The following PDCD10 variants were observed in gnomAD, a reference collection of about 807,000 sequenced individuals.
PDCD10 encodes programmed cell death protein 10.
A neutral mutation model predicts 29.2 loss-of-function variants in PDCD10; 4 were observed. The observed-to-expected ratio is 0.14, with a 90% CI of 0.07 to 0.31. PDCD10 has a LOEUF of 0.31. Ranked by LOEUF, PDCD10 falls within the 10% of genes least tolerant of loss-of-function variation. The pLI is 1.00. For missense variants in PDCD10, 183 were observed against 257.9 expected (o/e 0.71, Z 1.99); for synonymous variants, 70 against 82.2 (o/e 0.85, Z 0.80).
chr3:167,721,835 T>C (rs1723603672), intron 2 of PDCD10, among the ~76,000 whole-genome samples: 1 of 152,168 alleles, frequency 6.6e-6, no homozygotes, highest in African/African-American at 2.4e-5. Context: ...TGTAACTTAG[T>C]TAAGTAGATG....
chr3:167,733,585 A>G (rs1469758697), intron 2 of PDCD10, among the ~76,000 whole-genome samples: 1 of 152,224 alleles, frequency 6.6e-6, no homozygotes, highest in African/African-American at 2.4e-5. Context: ...AGTCTCAAAA[A>G]AGACGATGTT....
intron 4 of PDCD10, among the ~76,000 whole-genome samples, chr3:167,700,364 G>A (rs1261932809): frequency 6.6e-6 from 1 of 151,964 alleles, no homozygotes; most frequent in African/African-American, 2.4e-5. Context: ...AATACCATGG[G>A]ACCCGACAAA....
chr3:167,695,220 G>C (rs957118903), intron 6 of PDCD10, among the ~76,000 whole-genome samples: 22 of 152,190 alleles, frequency 1.4e-4, no homozygotes, highest in African/African-American at 5.3e-4. Context: ...TCATGCCTAA[G>C]AGTACGTTAC....
intron 3 of PDCD10, among the ~76,000 whole-genome samples, chr3:167,716,243 G>A (rs1185500386): frequency 6.6e-6 from 1 of 151,908 alleles, no homozygotes; most frequent in African/African-American, 2.4e-5. Flanking sequence ...GAGATAGAGA[G>A]ATGGATGGTT....
intron 2 of PDCD10, among the ~76,000 whole-genome samples, chr3:167,733,484 A>C (rs1171366914): frequency 6.6e-6 from 1 of 152,210 alleles, no homozygotes; most frequent in Non-Finnish European, 1.5e-5. Flanking sequence ...GTTGATGCTA[A>C]GAAAAATAAA....
chr3:167,711,147 A>G lies in PDCD10; in HGVS notation c.97-6252T>C, dbSNP rs140237507. 2.3e-3 allele frequency among the ~76,000 whole-genome samples: 347 copies of G among 152,340 alleles called. 2 individuals are homozygous for G. The highest frequency in any genetic ancestry group is 7.8e-3 in the African/African-American group (324 of 41,582). ...ACATCCAGAAGCATCAAGACCATCC[A>G]GAAAAACATGACCTCACCAAACAAA... is the stretch of plus-strand genomic sequence containing the variant. On this transcript the variant is annotated intron_variant, in intron 3 of 8. Coordinates refer to ENST00000392750, the MANE Select transcript of PDCD10 (RefSeq NM_007217.4).
chr3:167,718,890 A>G (rs999609714), intron 3 of PDCD10, among the ~76,000 whole-genome samples: 2 of 152,172 alleles, frequency 1.3e-5, no homozygotes, highest in South Asian at 4.1e-4. Flanking sequence ...TTTATGTGAC[A>G]GAGAAATAAA....
chr3:167,712,258 G>A (rs1231240146), intron 3 of PDCD10, among the ~76,000 whole-genome samples: 1 of 152,054 alleles, frequency 6.6e-6, no homozygotes, highest in Non-Finnish European at 1.5e-5. Context: ...TAAAAAATGA[G>A]AGGGATGAAG....
At chr3:167,694,037 A>G (rs955982921) in intron 6 of PDCD10, among the ~76,000 whole-genome samples, 27 of 152,040 alleles carry the variant, frequency 1.8e-4, no homozygotes, top group African/African-American at 5.6e-4. Flanking sequence ...AAAACTAACC[A>G]CCCATCTATG....
At chr3:167,720,733 A>C (rs1272417891) in intron 2 of PDCD10, among the ~76,000 whole-genome samples, 1 of 152,170 alleles carries the variant, frequency 6.6e-6, no homozygotes, top group Non-Finnish European at 1.5e-5. Context: ...GTGTTTTAAC[A>C]TTTTTATTAA....
At chr3:167,719,430 C>T (rs1723350592) in intron 3 of PDCD10, among the ~76,000 whole-genome samples, 1 of 152,018 alleles carries the variant, frequency 6.6e-6, no homozygotes, top group South Asian at 2.1e-4. Context: ...TTCCAGAATT[C>T]TCTACATACC....
At chr3:167,690,010 G>C (rs1720046912) in intron 6 of PDCD10, among the ~76,000 whole-genome samples, 1 of 151,972 alleles carries the variant, frequency 6.6e-6, no homozygotes, top group African/African-American at 2.4e-5. Context: ...GAAAATACCA[G>C]GACAAAAAAA....
At chr3:167,695,849 AG>A in intron 5 of PDCD10, 127 bp from the exon 6 acceptor site, 1 of 893,290 alleles carries the variant, frequency 1.1e-6, no homozygotes, top group Admixed American at 1.9e-5. Context: ...AGGAAAGACA[AG>A]GTTGCAAAGC....
chr3:167,698,088 T>C, intron 4 of PDCD10: 2 of 430,604 alleles, frequency 4.6e-6, no homozygotes, highest in South Asian at 3.3e-5. Flanking sequence ...TCAATTCCAT[T>C]GATTATCACT....
At chr3:167,687,554 A>C in intron 7 of PDCD10, 61 bp downstream of exon 7, 1 of 961,998 alleles carries the variant, frequency 1.0e-6, no homozygotes. Flanking sequence ...TAAGTCAATA[A>C]AACAACTAGG....
chr3:167,725,763 T>TATATATA (rs1724064631), intron 2 of PDCD10, among the ~76,000 whole-genome samples: 1 of 77,152 alleles, frequency 1.3e-5, no homozygotes, highest in Non-Finnish European at 2.7e-5. Flanking sequence ...ATTGTATCGT[T>TATATATA]TATATATATA....
At chr3:167,714,366 T>C (rs1722804299) in intron 3 of PDCD10, among the ~76,000 whole-genome samples, 1 of 151,672 alleles carries the variant, frequency 6.6e-6, no homozygotes, top group Non-Finnish European at 1.5e-5. Context: ...CAAAAAAGCC[T>C]TTCCTCTACG....
chr3:167,688,034 T>C (rs186926351), intron 6 of PDCD10, among the ~76,000 whole-genome samples: 1 of 152,354 alleles, frequency 6.6e-6, no homozygotes, highest in East Asian at 1.9e-4. Flanking sequence ...CTTTTCCCAT[T>C]TTAAAATTTT....
intron 2 of PDCD10, among the ~76,000 whole-genome samples, chr3:167,730,451 T>C (rs1267395656): frequency 3.3e-5 from 5 of 152,310 alleles, no homozygotes; most frequent in African/African-American, 1.2e-4. Flanking sequence ...CTCCACATAC[T>C]GGTTATGCTA....
Sources: allele counts gnomAD v4.1 joint callset (sites outside exome capture counted in the v4.1 genomes callset), GRCh38; gene constraint gnomAD v4.1.1; transcripts MANE v1.5; gene names NCBI Gene and HGNC (gene_info 2026-07-23, HGNC 2026-07-21).